Variants in NARS1 observed in about 807,000 individuals in gnomAD.
NARS1 encodes the protein asparagine--tRNA ligase, cytoplasmic.
In NARS1, 65 loss-of-function variants were observed where a neutral mutation model predicts 79.2. That is an observed-to-expected ratio of 0.82 (90% CI 0.67 to 1.01). The LOEUF is 1.01. Ranked by LOEUF, NARS1 falls within the 50% of genes least tolerant of loss-of-function variation. NARS1 has a pLI of 0.00. For synonymous variants in NARS1, 229 were observed against 238.8 expected, an observed-to-expected ratio of 0.96 and a Z score of 0.38; for missense variants, 649 against 673.8, an observed-to-expected ratio of 0.96 and a Z score of 0.41.
chr18:57,615,858 G>T lies in NARS1; in HGVS notation c.211C>A (p.His71Asn), dbSNP rs757833539. 3 of 1,613,430 alleles carry T rather than the reference G, an allele frequency of 1.9e-6. No individual in the cohort carries two copies. The highest frequency in any genetic ancestry group is 2.5e-6 in the Non-Finnish European group (3 of 1,179,774). ...SQLKNIKKMW[H>N]REQMKSESRE... ...GATTCACTCTTCATTTGTTCCCTAT[G>T]CCACATCTTTTTAATGTTCTTCAAC... The change falls in exon 3 of 14, where the codon CAT (histidine) becomes AAT (asparagine). Residue 71 changes from histidine to asparagine, a missense_variant. His to Asn is a moderately conservative substitution (Grantham distance 68). Coordinates refer to ENST00000256854, the MANE Select transcript of NARS1 (RefSeq NM_004539.4).
chr18:57,615,112 G>A (rs1054755133), intron 4 of NARS1, among the ~76,000 whole-genome samples: 16 of 152,222 alleles, frequency 1.1e-4, no homozygotes, highest in African/African-American at 3.6e-4. Context: ...AGGTTGCAGT[G>A]AGCAGAAACT....
chr18:57,605,831 A>G, intron 11 of NARS1, 26 bp downstream of exon 11: 1 of 1,486,476 alleles, frequency 6.7e-7, no homozygotes, highest in Non-Finnish European at 9.3e-7. Context: ...CCCACCTTGG[A>G]AACAATGAGA....
In NARS1 at chr18:57,610,432, A is replaced by G. The variant is rs530182852; in HGVS notation, c.493-989T>C. 6.6e-5 allele frequency among the ~76,000 whole-genome samples: 10 copies of G among 152,352 alleles called. No individual in the cohort carries two copies. In the South Asian group the frequency reaches 2.1e-3, roughly 32 times the overall value. ...GGTTGCACTAAGCTGAGATCACGCCACTGCACTCCAGCATGGGTGACAGAG... is the reference window on the plus strand; with the variant it reads ...GGTTGCACTAAGCTGAGATCACGCCGCTGCACTCCAGCATGGGTGACAGAG... On this transcript the variant is annotated intron_variant, in intron 6 of 13. Transcript: ENST00000256854.
intron 7 of NARS1, among the ~76,000 whole-genome samples, chr18:57,608,838 G>A (rs1013864672): frequency 6.6e-6 from 1 of 152,176 alleles, no homozygotes; most frequent in Non-Finnish European, 1.5e-5. Context: ...GTCTGGGAGA[G>A]GCAGACCCAC....
chr18:57,606,855 C>A, intron 9 of NARS1, 104 bp from the exon 10 acceptor site: 1 of 1,469,188 alleles, frequency 6.8e-7, no homozygotes, highest in Non-Finnish European at 9.3e-7. Context: ...GCCAACAATG[C>A]TACCAATTCC....
At chr18:57,606,064 T>C (rs1332248372) in intron 10 of NARS1, 94 bp from the exon 11 acceptor site, 1 of 798,058 alleles carries the variant, frequency 1.3e-6, no homozygotes, top group Non-Finnish European at 1.9e-6. Flanking sequence ...AAAGTATTAC[T>C]TCAGTGAGGT....
intron 2 of NARS1, among the ~76,000 whole-genome samples, chr18:57,618,282 T>C (rs1375409320): frequency 3.5e-5 from 3 of 85,488 alleles, no homozygotes; most frequent in Admixed American, 1.6e-4. Flanking sequence ...AGAACAAAAC[T>C]CTGTCTCAAA....
intron 11 of NARS1, among the ~76,000 whole-genome samples, chr18:57,603,401 T>C (rs1444978834): frequency 6.6e-6 from 1 of 152,168 alleles, no homozygotes. Flanking sequence ...TAATGACACT[T>C]ATCTTTAAAC....
chr18:57,607,742 T>C, intron 7 of NARS1, 77 bp from the exon 8 acceptor site: 1 of 1,241,282 alleles, frequency 8.1e-7, no homozygotes, highest in Non-Finnish European at 1.1e-6. Flanking sequence ...GATTTTAATT[T>C]ATGTCAAAGT....
intron 6 of NARS1, among the ~76,000 whole-genome samples, chr18:57,611,120 C>T (rs973234884): frequency 6.6e-6 from 1 of 151,948 alleles, no homozygotes. Context: ...ATATGCACCA[C>T]CACACCTGGC....
chr18:57,616,207 C>G (rs1908023204), intron 2 of NARS1, among the ~76,000 whole-genome samples: 1 of 151,966 alleles, frequency 6.6e-6, no homozygotes, highest in African/African-American at 2.4e-5. Flanking sequence ...TGGGTGAGGT[C>G]AGGAGATCGA....
Position 57,601,585 on chromosome 18 carries a change from T to G in NARS1, c.*67A>C. 1.4e-6 allele frequency: 2 copies of G among 1,458,042 alleles called. No individual in the cohort carries two copies. The highest frequency in any genetic ancestry group is 1.9e-6 in the Non-Finnish European group (2 of 1,080,938). 90.3% of individuals were successfully genotyped at this position (1,458,042 alleles called of 1,614,324 possible). A position where few individuals can be genotyped will look rare whatever the true frequency, so the allele number is the denominator to read the frequency against. On this transcript the variant is annotated 3_prime_UTR_variant, in exon 14 of 14. Transcript: ENST00000256854. ...AAACAAAAAAAGGAAGATTCTGGCT[T>G]TTTGTTTTCTTTTTTAAAGAGCCTG...
At chr18:57,621,614 T>G (rs1462013638) in intron 1 of NARS1, 94 bp downstream of exon 1, 1 of 796,872 alleles carries the variant, frequency 1.3e-6, no homozygotes, top group African/African-American at 2.1e-5. Flanking sequence ...GGGCGCCCAC[T>G]CTGGTAGGCA....
chr18:57,604,851 T>C (rs1021724708), intron 11 of NARS1, among the ~76,000 whole-genome samples: 2 of 152,154 alleles, frequency 1.3e-5, no homozygotes, highest in African/African-American at 2.4e-5. Flanking sequence ...ATCGCACCAA[T>C]GCATTCCAGC....
At position 57,613,671 on chromosome 18, in the gene NARS1, C is replaced by G. The variant is rs770045674; in HGVS notation, c.352G>C (p.Gly118Arg). 1 of 1,613,408 alleles carries G rather than the reference C, an allele frequency of 6.2e-7. No individual in the cohort carries two copies. Among genetic ancestry groups the G allele is most frequent in the Non-Finnish European group, 8.5e-7 (1 of 1,179,568 alleles). ...TGGCCTCTATATCCTTCTAACGCAC[C>G]AATCTTCACCTGTCAAATTGAAATA... The part of the protein sequence containing the change: ...SLPEPKCVKI[G>R]ALEGYRGQRV... Residue 118 changes from glycine to arginine, a missense_variant, in exon 5 of 14, where the codon GGT becomes CGT. Transcript: ENST00000256854.
chr18:57,610,149 G>A (rs942589717), intron 6 of NARS1, among the ~76,000 whole-genome samples: 2 of 152,110 alleles, frequency 1.3e-5, no homozygotes, highest in African/African-American at 4.8e-5. Context: ...AAGAAGTCAG[G>A]CTGCCAACAC....
chr18:57,616,441 A>G (rs1908033759), intron 2 of NARS1, among the ~76,000 whole-genome samples: 1 of 151,670 alleles, frequency 6.6e-6, no homozygotes, highest in Admixed American at 6.6e-5. Flanking sequence ...AAAAAAAAAA[A>G]GAAGCACACT....
intron 11 of NARS1, among the ~76,000 whole-genome samples, chr18:57,604,042 T>C (rs976078887): frequency 3.3e-5 from 5 of 152,152 alleles, no homozygotes; most frequent in Non-Finnish European, 5.9e-5. Context: ...GCAAAACAGA[T>C]GTTACTTCCA....
Position 57,601,504 on chromosome 18 carries a change from G to A in NARS1, c.*148C>T. The stretch of plus-strand genomic sequence containing the variant: ...CCTTAATATCACTTGATGTTCAGGT[G>A]ATTTGAGATAGTTTTTATGGTAGTA... On this transcript the variant is annotated 3_prime_UTR_variant, in exon 14 of 14. Coordinates refer to ENST00000256854, the MANE Select transcript of NARS1 (RefSeq NM_004539.4). 3 of 736,640 alleles carry A rather than the reference G, an allele frequency of 4.1e-6. No individual in the cohort carries two copies. The highest frequency in any genetic ancestry group is 2.8e-5 in the South Asian group (1 of 36,234). 45.6% of individuals were successfully genotyped at this position (736,640 alleles called of 1,614,324 possible). A position where few individuals can be genotyped will look rare whatever the true frequency, so the allele number is the denominator to read the frequency against.
Sources: gnomAD v4.1 joint callset for allele counts (sites outside exome capture counted in the v4.1 genomes callset) on GRCh38, gnomAD v4.1.1 for gene constraint, MANE v1.5 for transcripts, NCBI Gene and HGNC (gene_info 2026-07-23, HGNC 2026-07-21) for gene names.